KERA: variants seen among roughly 807,000 people sequenced by gnomAD.
KERA encodes the protein keratocan.
Under a neutral mutation model 26.4 loss-of-function variants are expected in KERA, and 25 were observed. That is an observed-to-expected ratio of 0.95 (90% confidence interval 0.69 to 1.32). The LOEUF (loss-of-function observed/expected upper bound fraction) is 1.32, where lower values mean the gene tolerates loss of function less well. Among genes scored for constraint, KERA ranks in the 40% most tolerant of loss-of-function variants. The pLI, the probability that KERA is intolerant of heterozygous loss-of-function variation, is 0.00. For missense variants in KERA, 434 were observed against 408.9 expected (o/e 1.06, Z -0.53); for synonymous variants, 167 against 146.1 (o/e 1.14, Z -1.03).
chr12:91,053,893 T>G (rs1878924194), intron 2 of KERA, among the ~76,000 whole-genome samples: 1 of 151,384 alleles, frequency 6.6e-6, no homozygotes, highest in African/African-American at 2.4e-5. Flanking sequence ...TGAAGTTTAC[T>G]TCCCACATCA....
At chr12:91,054,781 A>C (rs894792505) in intron 2 of KERA, among the ~76,000 whole-genome samples, 8 of 151,276 alleles carry the variant, frequency 5.3e-5, no homozygotes, top group Admixed American at 5.3e-4. Context: ...AGTGGTTCTC[A>C]ATGTGTAGTT....
chr12:91,051,368 A>G lies in KERA; in HGVS notation c.1037T>C (p.Leu346Pro), dbSNP rs1878860786. 6.2e-7 allele frequency: 1 copy of G among 1,610,950 alleles called. No individual in the cohort carries two copies. Among genetic ancestry groups the G allele is most frequent in the Non-Finnish European group, 8.5e-7 (1 of 1,177,956 alleles). ...IPMALMTCFR[L>P]LQAVII ...TGTTTAAATAATGACAGCCTGCAGAAGTCTGAAGCAGGTCATTAAAGCCAT... is the reference window on the plus strand; with the variant it reads ...TGTTTAAATAATGACAGCCTGCAGAGGTCTGAAGCAGGTCATTAAAGCCAT... The change falls in exon 3 of 3, where the codon CTT (leucine) becomes CCT (proline). Residue 346 changes from leucine to proline, a missense_variant. Transcript: ENST00000266719.
intron 2 of KERA, among the ~76,000 whole-genome samples, chr12:91,052,485 T>C (rs1592646734): frequency 6.6e-6 from 1 of 151,718 alleles, no homozygotes; most frequent in Non-Finnish European, 1.5e-5. Context: ...AGTGAATAAT[T>C]TTATGTTTCC....
chr12:91,051,318 A>G lies in KERA; in HGVS notation c.*28T>C, dbSNP rs1246491752. The G allele has an allele frequency of 1.9e-6, 3 of 1,593,716 alleles. No homozygotes were observed. In the South Asian group the frequency reaches 3.3e-5, roughly 18 times the overall value. On this transcript the variant is annotated 3_prime_UTR_variant, in exon 3 of 3. Coordinates refer to ENST00000266719, the MANE Select transcript of KERA (RefSeq NM_007035.4). ...TTTCATGTCAGAAACAGCTCATTAA[A>G]CTAATTTTAGATTTGGTGAGAATGT...
Position 91,053,607 on chromosome 12 carries a change from G to A in KERA, c.886+1789C>T, listed in dbSNP as rs1422842644. 5.3e-5 allele frequency among the ~76,000 whole-genome samples: 8 copies of A among 151,374 alleles called. No individual in the cohort carries two copies. In the East Asian group the frequency reaches 1.6e-3, roughly 30 times the overall value. The stretch of plus-strand genomic sequence containing the variant: ...CTGACCCAGCAAGTCAGAAATTCTG[G>A]GGGTAGGAAACAGCAACCTGGGTTT... On this transcript the variant is annotated intron_variant, in intron 2 of 2. Coordinates refer to ENST00000266719, the MANE Select transcript of KERA (RefSeq NM_007035.4).
Position 91,055,759 on chromosome 12 carries a change from T to C in KERA, c.523A>G (p.Asn175Asp). Residue 175 changes from asparagine to aspartate, a missense_variant, in exon 2 of 3, where the codon AAC becomes GAC. Coordinates refer to ENST00000266719, the MANE Select transcript of KERA (RefSeq NM_007035.4). The part of the protein sequence containing the change: ...LENLTLLDLQ[N>D]NKLVDNAFQR... ...AAGGCATTGTCCACTAATTTGTTGTTCTGTAGGTCAAGAAGGGTCAGGTTC... is the reference window on the plus strand; with the variant it reads ...AAGGCATTGTCCACTAATTTGTTGTCCTGTAGGTCAAGAAGGGTCAGGTTC... 1 of 1,611,486 alleles carries C rather than the reference T, an allele frequency of 6.2e-7. No homozygotes were observed. The highest frequency in any genetic ancestry group is 8.5e-7 in the Non-Finnish European group (1 of 1,178,254).
Position 91,055,467 on chromosome 12 carries a change from T to C in KERA, c.815A>G (p.Asn272Ser), listed in dbSNP as rs1388310945. The C allele has an allele frequency of 3.7e-6, 6 of 1,610,308 alleles. No individual in the cohort carries two copies. The highest frequency in any genetic ancestry group is 1.1e-5 in the South Asian group (1 of 90,910). ...GATTCGGGGAACCTTTGTGAGTTGATTGTGCGACAGTTGAAGATCTAGAAT... is the reference window on the plus strand; with the variant it reads ...GATTCGGGGAACCTTTGTGAGTTGACTGTGCGACAGTTGAAGATCTAGAAT... Reference protein sequence around the residue: ...SSILDLQLSHNQLTKVPRISA... With the variant: ...SSILDLQLSHSQLTKVPRISA... Residue 272 changes from asparagine to serine, a missense_variant, in exon 2 of 3, where the codon AAT (asparagine) becomes AGT (serine). Physicochemically the swap from Asn to Ser is conservative, Grantham distance 46. Coordinates refer to ENST00000266719, the MANE Select transcript of KERA (RefSeq NM_007035.4).
intron 2 of KERA, 107 bp downstream of exon 2, chr12:91,055,289 A>G: frequency 1.0e-6 from 1 of 994,864 alleles, no homozygotes; most frequent in Non-Finnish European, 1.6e-6. Context: ...ATCTAAAGGA[A>G]CATTAGCGGG....
rs149981389 is a variant in KERA at position 91,052,730 on chromosome 12, T to C, written c.887-1212A>G. 2.9e-3 allele frequency among the ~76,000 whole-genome samples: 436 copies of C among 151,560 alleles called. 4 individuals carry two copies. Among genetic ancestry groups the C allele is most frequent in the African/African-American group, 1.0e-2 (413 of 41,440 alleles). On this transcript the variant is annotated intron_variant, in intron 2 of 2. Coordinates refer to ENST00000266719, the MANE Select transcript of KERA (RefSeq NM_007035.4). ...AATAAGGAAATGCACACAACTTATT[T>C]CAGAAAGTAAGTGGCAGAGCTGAGA...
At chr12:91,054,230 A>G (rs1878934807) in intron 2 of KERA, among the ~76,000 whole-genome samples, 5 of 151,432 alleles carry the variant, frequency 3.3e-5, no homozygotes, top group South Asian at 2.1e-4. Context: ...TTCCCAGTGG[A>G]AAAATAGTCT....
intron 2 of KERA, among the ~76,000 whole-genome samples, chr12:91,052,858 T>A (rs1003844265): frequency 7.0e-6 from 1 of 143,002 alleles, no homozygotes; most frequent in African/African-American, 2.6e-5. Flanking sequence ...TGTCCCATAA[T>A]CAATGTATGT....
chr12:91,057,033 T>C (rs945098013), intron 1 of KERA, among the ~76,000 whole-genome samples: 1 of 150,798 alleles, frequency 6.6e-6, no homozygotes, highest in Non-Finnish European at 1.5e-5. Flanking sequence ...TATATGTATA[T>C]ATATGTATAT....
chr12:91,056,422 T>C (rs1879007877), intron 1 of KERA, 133 bp from the exon 2 acceptor site: 1 of 740,172 alleles, frequency 1.4e-6, no homozygotes, highest in Non-Finnish European at 2.3e-6. Context: ...CATACACAGA[T>C]CTTAATTAAT....
intron 2 of KERA, 98 bp downstream of exon 2, chr12:91,055,298 G>C: frequency 9.4e-7 from 1 of 1,068,668 alleles, no homozygotes; most frequent in Non-Finnish European, 1.4e-6. Context: ...AACATTAGCG[G>C]GGGAGGGGGC....
intron 2 of KERA, among the ~76,000 whole-genome samples, chr12:91,052,156 T>A (rs1205516235): frequency 1.3e-5 from 2 of 151,542 alleles, no homozygotes; most frequent in Non-Finnish European, 3.0e-5. Flanking sequence ...AAGAATTGAA[T>A]GACAAAGAAC....
Position 91,051,500 on chromosome 12 carries a change from A to G in KERA, c.905T>C (p.Ile302Thr). The G allele has an allele frequency of 3.1e-6, 5 of 1,609,592 alleles. No homozygotes were observed. Among genetic ancestry groups the G allele is most frequent in the Non-Finnish European group, 4.2e-6 (5 of 1,176,624 alleles). ...NKIKSVNVSV[I>T]CPSPSMLPAE... The stretch of plus-strand genomic sequence containing the variant: ...AGGCAGCATGGATGGGCTGGGACAT[A>G]TTACAGAGACATTCACACCTACAGT... Residue 302 changes from isoleucine (I) to threonine (T), a missense_variant, in exon 3 of 3, where the codon ATA becomes ACA. Transcript: ENST00000266719.
intron 1 of KERA, among the ~76,000 whole-genome samples, chr12:91,056,749 G>A (rs1394985496): frequency 2.6e-5 from 4 of 151,164 alleles, no homozygotes; most frequent in Non-Finnish European, 5.9e-5. Flanking sequence ...AGATTTCCTA[G>A]GCCTTTTGGC....
chr12:91,056,155 G>A lies in KERA; in HGVS notation c.127C>T (p.Pro43Ser), dbSNP rs1878999037. The change falls in exon 2 of 3, where the codon CCC becomes TCC. Residue 43 changes from proline to serine, a missense_variant. Physicochemically the swap from Pro to Ser is moderately conservative, Grantham distance 74 (BLOSUM62 -1). Coordinates refer to ENST00000266719, the MANE Select transcript of KERA (RefSeq NM_007035.4). ...DDWTIHDFEC[P>S]MECFCPPSFP... ...CTGGGTGGGCAGAAACATTCCATGG[G>A]ACACTCGAAGTCATGAATAGTCCAA... 4.3e-6 allele frequency: 7 copies of A among 1,610,386 alleles called. No homozygotes were observed. The East Asian group carries it at 8.9e-5, about 21-fold the overall frequency.
rs1378791085 is a variant in KERA, at chr12:91,057,803, C to G, written c.-68G>C. On this transcript the variant is annotated 5_prime_UTR_variant, in exon 1 of 3. Transcript: ENST00000266719. ...TCTCAGTCTGAGGTTTGCTAAAAATCAGTTAAGAGAAAAAAAAAAACTTTG... is the reference window on the plus strand; with the variant it reads ...TCTCAGTCTGAGGTTTGCTAAAAATGAGTTAAGAGAAAAAAAAAAACTTTG... The G allele has an allele frequency of 3.4e-5, 5 of 148,258 alleles. No individual in the cohort carries two copies. Among genetic ancestry groups the G allele is most frequent in the Non-Finnish European group, 7.5e-5 (5 of 66,856 alleles). 9.2% of individuals were successfully genotyped at this position (148,258 alleles called of 1,614,324 possible). A position where few individuals can be genotyped will look rare whatever the true frequency, so the allele number is the denominator to read the frequency against.
Sources: allele counts gnomAD v4.1 joint callset (sites outside exome capture counted in the v4.1 genomes callset), GRCh38; gene constraint gnomAD v4.1.1; transcripts MANE v1.5; gene names NCBI Gene and HGNC (gene_info 2026-07-23, HGNC 2026-07-21).